TBXAS1: variants seen among roughly 807,000 people sequenced by gnomAD.
TBXAS1 encodes thromboxane A synthase 1, also known as thromboxane-A synthase.
TBXAS1 carries 48 observed loss-of-function variants against 60.7 expected under a neutral mutation model. The observed-to-expected ratio is 0.79, with a 90% CI of 0.63 to 1.01. The LOEUF is 1.01. TBXAS1 is among the 50% of genes least tolerant of loss of function. The pLI, the probability that TBXAS1 is intolerant of heterozygous loss-of-function variation, is 0.00. For synonymous variants in TBXAS1, 287 were observed against 269.7 expected, an observed-to-expected ratio of 1.06 and a Z score of -0.63; for missense variants, 685 against 686.3, an observed-to-expected ratio of 1.00 and a Z score of 0.02.
At chr7:139,851,226 G>T (rs1800190072) in intron 1 of TBXAS1, among the ~76,000 whole-genome samples, 1 of 152,228 alleles carries the variant, frequency 6.6e-6, no homozygotes, top group Non-Finnish European at 1.5e-5. Context: ...CCAGAGGCCT[G>T]GCTGGAGGCT....
At chr7:139,908,613 C>T (rs1485142746) in intron 3 of TBXAS1, among the ~76,000 whole-genome samples, 1 of 152,126 alleles carries the variant, frequency 6.6e-6, no homozygotes, top group East Asian at 1.9e-4. Context: ...CTTTTAGCCT[C>T]CTTACTTTTA....
chr7:139,892,480 C>T (rs1375406598), intron 3 of TBXAS1, among the ~76,000 whole-genome samples: 1 of 152,218 alleles, frequency 6.6e-6, no homozygotes, highest in East Asian at 1.9e-4. Context: ...GTAATCCCAG[C>T]TACTCAGGAG....
chr7:139,822,960 A>G (rs1253738344), intron 4 of TBXAS1, among the ~76,000 whole-genome samples: 1 of 151,380 alleles, frequency 6.6e-6, no homozygotes, highest in African/African-American at 2.4e-5. Context: ...GCTTTCCCTG[A>G]CCCTAGCATG....
intron 1 of TBXAS1, among the ~76,000 whole-genome samples, chr7:139,834,703 T>C (rs1186946437): frequency 6.6e-6 from 1 of 152,092 alleles, no homozygotes; most frequent in Non-Finnish European, 1.5e-5. Flanking sequence ...TTTACGCACA[T>C]AAACTAAAAA....
chr7:139,823,626 T>C (rs765847771), intron 4 of TBXAS1, among the ~76,000 whole-genome samples: 4 of 152,156 alleles, frequency 2.6e-5, no homozygotes, highest in Non-Finnish European at 4.4e-5. Flanking sequence ...AACGATATCA[T>C]AACCGTGGGC....
At chr7:139,995,450 C>T (rs1011772903) in intron 9 of TBXAS1, among the ~76,000 whole-genome samples, 1 of 152,044 alleles carries the variant, frequency 6.6e-6, no homozygotes, top group African/African-American at 2.4e-5. Context: ...GGCAGAGTGA[C>T]CAGGATCTGC....
intron 4 of TBXAS1, among the ~76,000 whole-genome samples, chr7:139,815,791 C>T (rs1236654578): frequency 6.6e-6 from 1 of 152,108 alleles, no homozygotes; most frequent in Non-Finnish European, 1.5e-5. Context: ...GAAGAGGAAA[C>T]CCCCAGGCAG....
intron 4 of TBXAS1, among the ~76,000 whole-genome samples, chr7:139,816,953 G>C (rs1798163968): frequency 6.6e-6 from 1 of 152,162 alleles, no homozygotes; most frequent in Non-Finnish European, 1.5e-5. Context: ...GAATTTTCCA[G>C]CAAGTAGAAG....
At chr7:139,908,724 C>T (rs1386980753) in intron 3 of TBXAS1, among the ~76,000 whole-genome samples, 1 of 152,112 alleles carries the variant, frequency 6.6e-6, no homozygotes, top group African/African-American at 2.4e-5. Context: ...TAAGAGACTC[C>T]TGAGAAGGAT....
chr7:139,778,664 TCTC>T lies in TBXAS1; in HGVS notation c.-318+200_-318+202del, dbSNP rs1310790534. 1.3e-5 allele frequency among the ~76,000 whole-genome samples: 2 copies of T among 150,976 alleles called. No homozygotes were observed. The highest frequency in any genetic ancestry group is 1.5e-5 in the Non-Finnish European group (1 of 67,698). On this transcript the variant is annotated intron_variant, in intron 1 of 16. Transcript: ENST00000336425. This position sits in a 1 kb window ranked among gnomAD's most constrained non-coding sequence, Gnocchi z 4.8. ...TCTGGCTTCCACGCCACCCTGATCTTCTCCTCCTCGCGTCTACACTGTCCCGAG... is the reference window on the plus strand; with the variant it reads ...TCTGGCTTCCACGCCACCCTGATCTTCTCCTCGCGTCTACACTGTCCCGAG...
chr7:140,010,099 G>A (rs2116416576), intron 10 of TBXAS1, among the ~76,000 whole-genome samples: 1 of 142,270 alleles, frequency 7.0e-6, no homozygotes, highest in East Asian at 2.1e-4. Flanking sequence ...CCCCACACCT[G>A]CCTCACAGCT....
At chr7:139,913,631 T>C (rs3819733) in intron 4 of TBXAS1, 17,367 of 154,262 alleles carry the variant, frequency 0.11, 1,189 homozygotes, top group Admixed American at 0.17. Context: ...CCCTCAGCTT[T>C]GATCAATTTA....
At chr7:139,977,437 G>T (rs1434034197) in intron 9 of TBXAS1, among the ~76,000 whole-genome samples, 1 of 152,004 alleles carries the variant, frequency 6.6e-6, no homozygotes, top group Non-Finnish European at 1.5e-5. Context: ...TTCAATTACC[G>T]CCCACCAGTT....
Position 139,961,902 on chromosome 7 carries a change from C to T in TBXAS1, c.820-17C>T. 6.2e-7 allele frequency: 1 copy of T among 1,614,212 alleles called. No homozygotes were observed. The highest frequency in any genetic ancestry group is 8.5e-7 in the Non-Finnish European group (1 of 1,180,024). On this transcript the variant is annotated splice_polypyrimidine_tract_variant and intron_variant, in intron 8 of 12. Coordinates refer to ENST00000448866, the MANE Select transcript of TBXAS1 (RefSeq NM_001061.7). ...CTGTAAGGTCAAAATGTGCATTTTTCTCCTTTTGTTCCTTAGAGGCGGAGA... is the reference window on the plus strand; with the variant it reads ...CTGTAAGGTCAAAATGTGCATTTTTTTCCTTTTGTTCCTTAGAGGCGGAGA...
At chr7:140,005,252 A>G (rs1491002788) in intron 9 of TBXAS1, among the ~76,000 whole-genome samples, 1 of 152,198 alleles carries the variant, frequency 6.6e-6, no homozygotes, top group Non-Finnish European at 1.5e-5. Context: ...AACATGGTGA[A>G]ACCCCATCTC....
intron 5 of TBXAS1, among the ~76,000 whole-genome samples, chr7:139,944,250 A>G (rs1392350285): frequency 6.6e-6 from 1 of 152,214 alleles, no homozygotes; most frequent in Non-Finnish European, 1.5e-5. Flanking sequence ...GAGAAGGTGC[A>G]TTGCAGGTGG....
At chr7:139,894,658 A>G (rs1803937937) in intron 3 of TBXAS1, among the ~76,000 whole-genome samples, 1 of 152,156 alleles carries the variant, frequency 6.6e-6, no homozygotes. Flanking sequence ...TCGGTTCTCC[A>G]TTCTTTCTGG....
chr7:139,961,322 A>G (rs1248666514), intron 8 of TBXAS1, among the ~76,000 whole-genome samples: 1 of 152,244 alleles, frequency 6.6e-6, no homozygotes, highest in African/African-American at 2.4e-5. Context: ...TAAGCTGCAC[A>G]GAAGTGAGCA....
intron 1 of TBXAS1, among the ~76,000 whole-genome samples, chr7:139,833,025 C>T (rs541646752): frequency 6.6e-6 from 1 of 152,102 alleles, no homozygotes; most frequent in Non-Finnish European, 1.5e-5. Context: ...ATAAATCACA[C>T]AGGACCCATA....
Sources: gnomAD v4.1 joint callset for allele counts (sites outside exome capture counted in the v4.1 genomes callset) on GRCh38, gnomAD v4.1.1 for gene constraint, Gnocchi (gnomAD v3.1) non-coding constraint, MANE v1.5 for transcripts, NCBI Gene and HGNC (gene_info 2026-07-23, HGNC 2026-07-21) for gene names.